The following CASD1 variants were observed in gnomAD, a reference collection of about 807,000 sequenced individuals.
CASD1 encodes CAS1 domain sialic acid O acetyltransferase 1, also known as N-acetylneuraminate (7)9-O-acetyltransferase.
Under a neutral mutation model 100.0 loss-of-function variants are expected in CASD1, and 41 were observed. The observed-to-expected ratio is 0.41, with a 90% CI of 0.32 to 0.53. CASD1 has a LOEUF of 0.53. CASD1 is among the 20% of genes least tolerant of loss of function. The pLI, the probability that CASD1 is intolerant of heterozygous loss-of-function variation, is 0.25. For missense variants in CASD1, 774 were observed against 948.7 expected (o/e 0.82, Z 2.42); for synonymous variants, 321 against 315.6 (o/e 1.02, Z -0.18).
At chr7:94,510,312 G>A in intron 1 of CASD1, 95 bp downstream of exon 1, 1 of 985,716 alleles carries the variant, frequency 1.0e-6, no homozygotes, top group Non-Finnish European at 1.3e-6. Flanking sequence ...ACGCCCACGC[G>A]GCCTTCCGCC....
the CASD1 span, chr7:94,588,599 A>G: frequency 2.6e-6 from 4 of 1,551,508 alleles, no homozygotes; most frequent in Non-Finnish European, 3.5e-6. Flanking sequence ...TTTGGTGAAG[A>G]TAAAGCTTCA....
the CASD1 span, among the ~76,000 whole-genome samples, chr7:94,605,504 A>C: frequency 3.3e-4 from 50 of 152,190 alleles, no homozygotes; most frequent in Non-Finnish European, 4.9e-4. Context: ...GATAAGCAAA[A>C]TAAATGACAG....
the CASD1 span, among the ~76,000 whole-genome samples, chr7:94,585,680 GAAAAC>G: frequency 1.1e-4 from 16 of 152,110 alleles, no homozygotes; most frequent in East Asian, 3.1e-3. Flanking sequence ...TTAAAAAACA[GAAAAC>G]AAAAGAAAAA....
intron 3 of CASD1, among the ~76,000 whole-genome samples, chr7:94,520,162 T>C (rs958279006): frequency 4.6e-5 from 7 of 152,200 alleles, no homozygotes; most frequent in African/African-American, 7.2e-5. Flanking sequence ...TAATTCAAGC[T>C]GCTAGTGGAG....
chr7:94,513,057 C>A (rs1360644342), intron 1 of CASD1, among the ~76,000 whole-genome samples: 2 of 152,132 alleles, frequency 1.3e-5, no homozygotes, highest in Non-Finnish European at 2.9e-5. Context: ...GTAATTCAGG[C>A]CGGGCGCAGT....
At chr7:94,619,123 A>T in the CASD1 span, 3 of 624,836 alleles carry the variant, frequency 4.8e-6, no homozygotes, top group East Asian at 8.3e-5. Flanking sequence ...TGTATCTAAA[A>T]ACATAACTGA....
the CASD1 span, chr7:94,625,348 A>G: frequency 6.6e-6 from 1 of 152,046 alleles, no homozygotes; most frequent in Non-Finnish European, 1.5e-5. Flanking sequence ...TATGAAAGAT[A>G]TGGTAAACTT....
At chr7:94,523,200 G>A (rs932179103) in intron 3 of CASD1, among the ~76,000 whole-genome samples, 1 of 152,114 alleles carries the variant, frequency 6.6e-6, no homozygotes, top group African/African-American at 2.4e-5. Flanking sequence ...AGAGATTCTA[G>A]CCATAAAAGG....
At chr7:94,531,176 T>C (rs1208167524) in intron 5 of CASD1, among the ~76,000 whole-genome samples, 4 of 151,996 alleles carry the variant, frequency 2.6e-5, no homozygotes, top group Admixed American at 1.3e-4. Context: ...TTTAACACTT[T>C]TAGGTTGAGG....
intron 4 of CASD1, among the ~76,000 whole-genome samples, 198 bp from the exon 5 acceptor site, chr7:94,527,990 A>T (rs1794659658): frequency 6.6e-6 from 1 of 152,244 alleles, no homozygotes; most frequent in Non-Finnish European, 1.5e-5. Flanking sequence ...TGTGGACAGT[A>T]GGTTAGAGGA....
chr7:94,537,961 A>G, intron 9 of CASD1, 67 bp downstream of exon 9: 1 of 876,924 alleles, frequency 1.1e-6, no homozygotes, highest in Non-Finnish European at 1.8e-6. Flanking sequence ...GTGTTAAAGA[A>G]CTAATATCAT....
At chr7:94,538,568 A>G (rs937152162) in intron 9 of CASD1, among the ~76,000 whole-genome samples, 1 of 152,162 alleles carries the variant, frequency 6.6e-6, no homozygotes, top group African/African-American at 2.4e-5. Context: ...CTGTCAGTAA[A>G]GTGTAGGGGA....
the CASD1 span, among the ~76,000 whole-genome samples, chr7:94,592,680 C>A: frequency 6.6e-6 from 1 of 152,010 alleles, no homozygotes; most frequent in African/African-American, 2.4e-5. Context: ...GGGGGGAGTA[C>A]ACAATTATTT....
chr7:94,551,602 A>G (rs1795952016), intron 15 of CASD1, 124 bp downstream of exon 15: 1 of 385,320 alleles, frequency 2.6e-6, no homozygotes, highest in Non-Finnish European at 4.1e-6. Flanking sequence ...TTTAATATTT[A>G]GAAATTTTAA....
At chr7:94,622,714 GA>G in the CASD1 span, 1 of 151,766 alleles carries the variant, frequency 6.6e-6, no homozygotes, top group African/African-American at 2.4e-5. Context: ...GTAATTCTGA[GA>G]ATACTTCCTT....
downstream of CASD1, among the ~76,000 whole-genome samples, chr7:94,559,276 C>CT (rs1554417390): frequency 1.2e-4 from 16 of 137,506 alleles, no homozygotes; most frequent in Non-Finnish European, 2.5e-4. Flanking sequence ...GTATATATGT[C>CT]TGTGTGTGTG....
rs144580954 is a variant in CASD1 at position 94,525,595 on chromosome 7, CAAAG to C, written c.352-1562_352-1559del. 6.2e-4 allele frequency among the ~76,000 whole-genome samples: 94 copies of C among 152,208 alleles called. 1 individual carries two copies. In the East Asian group the frequency reaches 0.017, roughly 28 times the overall value. On this transcript the variant is annotated intron_variant, in intron 3 of 17. Coordinates refer to ENST00000297273, the MANE Select transcript of CASD1 (RefSeq NM_022900.5). ...ATTAATTACTGTATGCAAAGTAAGACAAAGAAAGTTCATGACATTATTTTTCTGA... is the reference window on the plus strand; with the variant it reads ...ATTAATTACTGTATGCAAAGTAAGACAAAGTTCATGACATTATTTTTCTGA...
the CASD1 span, chr7:94,600,922 C>T: frequency 7.8e-7 from 1 of 1,278,580 alleles, no homozygotes; most frequent in Admixed American, 1.9e-5. Flanking sequence ...ATTTTAAGAT[C>T]TGGATACACT....
chr7:94,535,243 C>A, intron 7 of CASD1, 66 bp from the exon 8 acceptor site: 1 of 1,188,016 alleles, frequency 8.4e-7, no homozygotes, highest in Non-Finnish European at 1.2e-6. Context: ...AGCTAACTTG[C>A]ATGATCACAA....
Sources: gnomAD v4.1 joint callset for allele counts (sites outside exome capture counted in the v4.1 genomes callset) on GRCh38, gnomAD v4.1.1 for gene constraint, MANE v1.5 for transcripts, NCBI Gene and HGNC (gene_info 2026-07-23, HGNC 2026-07-21) for gene names.